The following MTHFD1L variants were observed in gnomAD, a reference collection of about 807,000 sequenced individuals.
The protein encoded by MTHFD1L is monofunctional C1-tetrahydrofolate synthase, mitochondrial.
MTHFD1L carries 81 observed loss-of-function variants against 119.5 expected under a neutral mutation model. The observed-to-expected ratio is 0.68, with a 90% confidence interval of 0.57 to 0.82. The LOEUF (loss-of-function observed/expected upper bound fraction) is 0.82, where lower values mean the gene tolerates loss of function less well. Among genes scored for constraint, MTHFD1L ranks in the 40% least tolerant of loss-of-function variants. MTHFD1L has a pLI of 0.00. For synonymous variants in MTHFD1L, 430 were observed against 475.2 expected (o/e 0.90, Z 1.24); for missense variants, 1,125 against 1,253.4 (o/e 0.90, Z 1.55).
intron 27 of MTHFD1L, chr6:151,099,824 C>T: frequency 2.5e-6 from 4 of 1,602,592 alleles, no homozygotes; most frequent in Non-Finnish European, 1.7e-6. Context: ...GCCGAGATCG[C>T]TCACAATGTT....
intron 1 of MTHFD1L, among the ~76,000 whole-genome samples, chr6:150,871,088 T>C (rs187468190): frequency 0.012 from 1,718 of 144,724 alleles, 31 homozygotes; most frequent in African/African-American, 0.041. Context: ...ATTATATATA[T>C]ACACACCTTA....
rs375766305 is a variant in MTHFD1L at position 150,877,842 on chromosome 6, C to T, written c.417+16C>T. 6.2e-7 allele frequency: 1 copy of T among 1,614,002 alleles called. No individual in the cohort carries two copies. The highest frequency in any genetic ancestry group is 1.3e-5 in the African/African-American group (1 of 74,956). ...TGAAGCCGAGGTAATAATGGCAGAG[C>T]TCTAAACTCTTGCTTCTTCTTTCCT... On this transcript the variant is annotated intron_variant, in intron 4 of 27. Coordinates refer to ENST00000367321, the MANE Select transcript of MTHFD1L (RefSeq NM_015440.5).
intron 11 of MTHFD1L, among the ~76,000 whole-genome samples, chr6:150,932,809 AGGG>A (rs1791313846): frequency 7.8e-6 from 1 of 128,498 alleles, no homozygotes; most frequent in South Asian, 2.6e-4. Flanking sequence ...GGAGGAAGAG[AGGG>A]AGGGAGGAAG....
At chr6:150,918,285 T>C (rs1788324915) in intron 8 of MTHFD1L, among the ~76,000 whole-genome samples, 1 of 152,100 alleles carries the variant, frequency 6.6e-6, no homozygotes, top group African/African-American at 2.4e-5. Context: ...AGGCTGGTCT[T>C]GAACTGACCT....
At chr6:150,932,161 C>CAAAAAAAAAA (rs5880902) in intron 11 of MTHFD1L, among the ~76,000 whole-genome samples, 1 of 39,474 alleles carries the variant, frequency 2.5e-5, no homozygotes, top group African/African-American at 1.0e-4. Flanking sequence ...GACTCCATCT[C>CAAAAAAAAAA]AAAAAAAAAA....
At chr6:151,050,839 G>T (rs1788919470) in intron 26 of MTHFD1L, among the ~76,000 whole-genome samples, 1 of 152,140 alleles carries the variant, frequency 6.6e-6, no homozygotes. Context: ...ACGCTTATGT[G>T]TGCCAGTTTA....
chr6:150,910,397 C>T (rs532427630), intron 8 of MTHFD1L, among the ~76,000 whole-genome samples: 76 of 150,986 alleles, frequency 5.0e-4, no homozygotes, highest in Middle Eastern at 3.4e-3. Flanking sequence ...AACCCCATCT[C>T]TACTAAAAAT....
At chr6:151,000,575 A>C (rs1780478225) in intron 20 of MTHFD1L, among the ~76,000 whole-genome samples, 1 of 152,212 alleles carries the variant, frequency 6.6e-6, no homozygotes, top group African/African-American at 2.4e-5. Flanking sequence ...ATATATTCTA[A>C]ACAAAGTTCT....
chr6:150,970,642 G>C (rs1797885956), intron 19 of MTHFD1L, among the ~76,000 whole-genome samples: 1 of 152,164 alleles, frequency 6.6e-6, no homozygotes, highest in South Asian at 2.1e-4. Context: ...TAGCAAGATA[G>C]TTCCTGCCTT....
chr6:151,054,029 A>G lies in MTHFD1L; in HGVS notation c.2847+16912A>G, dbSNP rs139271116. ...TAATTTTAACTTTATGATGTTTGTCATAAAAGAGTGGAATGTGCTCCTATT... is the reference window on the plus strand; with the variant it reads ...TAATTTTAACTTTATGATGTTTGTCGTAAAAGAGTGGAATGTGCTCCTATT... On this transcript the variant is annotated intron_variant, in intron 26 of 27. Transcript: ENST00000367321. Among the ~76,000 whole-genome samples, 384 of 152,320 alleles carry G rather than the reference A, an allele frequency of 2.5e-3. 2 individuals are homozygous for G. The highest frequency in any genetic ancestry group is 0.01 in the Middle Eastern group (3 of 294).
At chr6:150,890,251 C>G (rs1783012081) in intron 7 of MTHFD1L, among the ~76,000 whole-genome samples, 1 of 151,950 alleles carries the variant, frequency 6.6e-6, no homozygotes, top group African/African-American at 2.4e-5. Context: ...GGTGTGTTTA[C>G]AAATGGTCAG....
chr6:150,953,441 A>G (rs904837338), intron 16 of MTHFD1L, among the ~76,000 whole-genome samples: 1 of 152,194 alleles, frequency 6.6e-6, no homozygotes, highest in Non-Finnish European at 1.5e-5. Flanking sequence ...TGTCTTCACT[A>G]TATCTCTGTA....
chr6:150,927,986 T>C (rs148497688), intron 11 of MTHFD1L, among the ~76,000 whole-genome samples: 1 of 152,296 alleles, frequency 6.6e-6, no homozygotes, highest in East Asian at 1.9e-4. Flanking sequence ...AATTTTCTAT[T>C]GATGGGCAAT....
At chr6:150,907,744 G>T (rs1241391930) in intron 8 of MTHFD1L, among the ~76,000 whole-genome samples, 2 of 152,158 alleles carry the variant, frequency 1.3e-5, no homozygotes, top group Non-Finnish European at 2.9e-5. Context: ...AAGTGAAAAG[G>T]TTGTAAATCA....
At chr6:151,000,335 C>CAAAAAAAA (rs946814251) in intron 20 of MTHFD1L, among the ~76,000 whole-genome samples, 1 of 75,304 alleles carries the variant, frequency 1.3e-5, no homozygotes, top group African/African-American at 4.5e-5. Flanking sequence ...GACTCTGTCT[C>CAAAAAAAA]AAAAAAAAAA....
At chr6:151,005,295 G>A (rs566783670) in intron 20 of MTHFD1L, among the ~76,000 whole-genome samples, 84 of 152,148 alleles carry the variant, frequency 5.5e-4, no homozygotes, top group African/African-American at 2.0e-3. Flanking sequence ...TATTAAAGTA[G>A]TTTTTACTTT....
At chr6:150,958,048 C>A (rs1017943988) in intron 17 of MTHFD1L, among the ~76,000 whole-genome samples, 3 of 152,074 alleles carry the variant, frequency 2.0e-5, no homozygotes, top group African/African-American at 7.2e-5. Context: ...AGTTCCATTA[C>A]ATATATTAGC....
rs560940292 is a variant in MTHFD1L at position 150,974,155 on chromosome 6, T to C, written c.2125+2097T>C. On this transcript the variant is annotated intron_variant, in intron 20 of 27. Coordinates refer to ENST00000367321, the MANE Select transcript of MTHFD1L (RefSeq NM_015440.5). ...CAAGTCACAGATAACCTTGGGCACA[T>C]GAACCCTTCTCTTCCTTGGTTTCCC... 4.2e-3 allele frequency among the ~76,000 whole-genome samples: 645 copies of C among 152,332 alleles called. 4 individuals are homozygous for C. The highest frequency in any genetic ancestry group is 6.8e-3 in the Middle Eastern group (2 of 294).
intron 2 of MTHFD1L, 59 bp from the exon 3 acceptor site, chr6:150,877,575 T>A: frequency 1.3e-6 from 2 of 1,563,998 alleles, no homozygotes; most frequent in Non-Finnish European, 1.8e-6. Flanking sequence ...ATCTCTGGAT[T>A]ATCTTTTGTG....
Sources: allele counts gnomAD v4.1 joint callset (sites outside exome capture counted in the v4.1 genomes callset), GRCh38; gene constraint gnomAD v4.1.1; transcripts MANE v1.5; gene names NCBI Gene and HGNC (gene_info 2026-07-23, HGNC 2026-07-21).